CCSER1: variants seen among roughly 807,000 people sequenced by gnomAD.
The protein encoded by CCSER1 is serine-rich coiled-coil domain-containing protein 1.
CCSER1 carries 41 observed loss-of-function variants against 82.0 expected under a neutral mutation model. The ratio of observed to expected loss-of-function variants is 0.50; its 90% CI spans 0.39 to 0.65. CCSER1 has a LOEUF of 0.65. Among genes scored for constraint, CCSER1 ranks in the 30% least tolerant of loss-of-function variants. CCSER1 has a pLI of 0.00. For synonymous variants in CCSER1, 414 were observed against 383.9 expected (o/e 1.08, Z -0.92); for missense variants, 1,119 against 1,064.2 (o/e 1.05, Z -0.72).
intron 10 of CCSER1, among the ~76,000 whole-genome samples, chr4:91,518,119 G>A (rs1760246070): frequency 1.3e-5 from 2 of 152,172 alleles, no homozygotes; most frequent in African/African-American, 2.4e-5. Context: ...GGCACTCCCG[G>A]GCTGCATGCA....
chr4:91,584,233 C>A (rs1488322394), intron 10 of CCSER1, among the ~76,000 whole-genome samples: 1 of 151,276 alleles, frequency 6.6e-6, no homozygotes, highest in Non-Finnish European at 1.5e-5. Context: ...TATCACTCAT[C>A]CCCATGCCCA....
chr4:90,481,831 C>CT (rs898731891), intron 5 of CCSER1, among the ~76,000 whole-genome samples: 20 of 151,938 alleles, frequency 1.3e-4, no homozygotes, highest in South Asian at 4.2e-4. Flanking sequence ...CTAAAATTCT[C>CT]TTTTTTTTGT....
At chr4:90,289,426 A>G (rs559933848) in intron 1 of CCSER1, among the ~76,000 whole-genome samples, 1 of 152,034 alleles carries the variant, frequency 6.6e-6, no homozygotes, top group South Asian at 2.1e-4. Context: ...GCAACATCAA[A>G]TTGTTCAAAA....
chr4:90,253,032 T>G (rs755441378), intron 1 of CCSER1, among the ~76,000 whole-genome samples: 116 of 152,166 alleles, frequency 7.6e-4, no homozygotes, highest in Non-Finnish European at 9.4e-4. Context: ...ATTTAATACA[T>G]TCATGTTTCA....
chr4:90,378,569 A>C (rs1277521362), intron 3 of CCSER1, among the ~76,000 whole-genome samples: 1 of 152,150 alleles, frequency 6.6e-6, no homozygotes, highest in Non-Finnish European at 1.5e-5. Context: ...TGGAAATTAC[A>C]GTTTAAGACT....
chr4:91,272,927 G>A (rs930897196), intron 10 of CCSER1, among the ~76,000 whole-genome samples: 6 of 151,978 alleles, frequency 3.9e-5, no homozygotes, highest in African/African-American at 1.4e-4. Flanking sequence ...TTATTTCTGG[G>A]TTCTCTATTC....
At chr4:91,382,100 T>C (rs1218671086) in intron 10 of CCSER1, among the ~76,000 whole-genome samples, 3 of 152,178 alleles carry the variant, frequency 2.0e-5, no homozygotes, top group Non-Finnish European at 4.4e-5. Flanking sequence ...TGTTGCTGCC[T>C]AGTCGTTCCT....
At chr4:91,563,261 G>A (rs376976095) in intron 10 of CCSER1, among the ~76,000 whole-genome samples, 1 of 151,584 alleles carries the variant, frequency 6.6e-6, no homozygotes, top group African/African-American at 2.4e-5. Context: ...TAAAATAGAT[G>A]CAAGTATTCT....
rs534143862 is a variant in CCSER1 at position 90,933,339 on chromosome 4, C to T, written c.2172+9892C>T. Among the ~76,000 whole-genome samples, 52 of 151,746 alleles carry T rather than the reference C, an allele frequency of 3.4e-4. 2 individuals carry two copies. Among genetic ancestry groups the T allele is most frequent in the African/African-American group, 1.2e-3 (49 of 41,406 alleles). On this transcript the variant is annotated intron_variant, in intron 9 of 10. Coordinates refer to ENST00000509176, the MANE Select transcript of CCSER1 (RefSeq NM_001145065.2). ...AGTAGCTGGGACTACAGGCGCCCGCCACCACGCCCGGCTAATTTTTTGTAT... is the reference window on the plus strand; with the variant it reads ...AGTAGCTGGGACTACAGGCGCCCGCTACCACGCCCGGCTAATTTTTTGTAT...
At chr4:90,346,148 G>T (rs961072098) in intron 3 of CCSER1, among the ~76,000 whole-genome samples, 1 of 151,956 alleles carries the variant, frequency 6.6e-6, no homozygotes, top group Non-Finnish European at 1.5e-5. Context: ...AATGGATGCC[G>T]CTTGGACTAA....
rs192426449 is a variant in CCSER1, at chr4:90,623,613, A to C, written c.1725-4412A>C. Among the ~76,000 whole-genome samples, 5 of 152,304 alleles carry C rather than the reference A, an allele frequency of 3.3e-5. No homozygotes were observed. In the East Asian group the frequency reaches 9.7e-4, roughly 29 times the overall value. On this transcript the variant is annotated intron_variant, in intron 5 of 10. Transcript: ENST00000509176. ...CTTGTCACATGTAGATTTTTATCTAAATGTAAATTTTATCTAAATGTACTG... is the reference window on the plus strand; with the variant it reads ...CTTGTCACATGTAGATTTTTATCTACATGTAAATTTTATCTAAATGTACTG...
intron 7 of CCSER1, among the ~76,000 whole-genome samples, chr4:90,764,827 A>G (rs936546697): frequency 6.6e-6 from 1 of 152,130 alleles, no homozygotes; most frequent in African/African-American, 2.4e-5. Context: ...TCTAACTTAG[A>G]TATTGGTAGC....
At chr4:90,574,459 G>A (rs917933368) in intron 5 of CCSER1, among the ~76,000 whole-genome samples, 1 of 150,182 alleles carries the variant, frequency 6.7e-6, no homozygotes, top group African/African-American at 2.4e-5. Flanking sequence ...TAGTAGAGAC[G>A]GGGTTTCACC....
intron 9 of CCSER1, among the ~76,000 whole-genome samples, chr4:90,928,908 C>T (rs552510757): frequency 6.6e-6 from 1 of 152,160 alleles, no homozygotes; most frequent in East Asian, 1.9e-4. Context: ...CATCAAGAGA[C>T]TCACACTAGA....
intron 7 of CCSER1, among the ~76,000 whole-genome samples, chr4:90,777,936 T>A (rs185546870): frequency 6.6e-6 from 1 of 152,252 alleles, no homozygotes; most frequent in Non-Finnish European, 1.5e-5. Flanking sequence ...CTAGATTTGA[T>A]AATATGTTCA....
intron 10 of CCSER1, among the ~76,000 whole-genome samples, chr4:91,174,808 T>C (rs1220583657): frequency 1.7e-5 from 2 of 115,354 alleles, no homozygotes; most frequent in African/African-American, 6.2e-5. Flanking sequence ...GCTAGTTTTC[T>C]TTGTTTTTCT....
chr4:90,809,909 A>C (rs1180175467), intron 7 of CCSER1, among the ~76,000 whole-genome samples: 8 of 151,976 alleles, frequency 5.3e-5, no homozygotes, highest in Non-Finnish European at 1.2e-4. Context: ...ATGAATAAGA[A>C]CTATACATTC....
intron 10 of CCSER1, among the ~76,000 whole-genome samples, chr4:91,137,206 A>T (rs12331322): frequency 3.7e-5 from 4 of 109,588 alleles, no homozygotes; most frequent in Non-Finnish European, 5.5e-5. Context: ...ATTCCCCTTC[A>T]TGTGTCCATG....
chr4:91,368,806 G>A (rs957944290), intron 10 of CCSER1, among the ~76,000 whole-genome samples: 1 of 152,074 alleles, frequency 6.6e-6, no homozygotes, highest in Non-Finnish European at 1.5e-5. Flanking sequence ...AAATTTCCCT[G>A]TAAATCAGTT....
Sources: gnomAD v4.1 joint callset for allele counts (sites outside exome capture counted in the v4.1 genomes callset) on GRCh38, gnomAD v4.1.1 for gene constraint, MANE v1.5 for transcripts, NCBI Gene and HGNC (gene_info 2026-07-23, HGNC 2026-07-21) for gene names.